Variants in FGD6 observed in about 807,000 individuals in gnomAD.
The protein encoded by FGD6 is FYVE, RhoGEF and PH domain containing 6.
FGD6 carries 90 observed loss-of-function variants against 149.4 expected under a neutral mutation model. The observed-to-expected ratio is 0.60, with a 90% CI of 0.51 to 0.72. FGD6 has a LOEUF of 0.72. Among genes scored for constraint, FGD6 ranks in the 30% least tolerant of loss-of-function variants. FGD6 has a pLI of 0.00. For synonymous variants in FGD6, 527 were observed against 584.0 expected, an observed-to-expected ratio of 0.90 and a Z score of 1.41; for missense variants, 1,437 against 1,684.8, an observed-to-expected ratio of 0.85 and a Z score of 2.57.
intron 5 of FGD6, among the ~76,000 whole-genome samples, chr12:95,141,762 TATG>T (rs544755215): frequency 1.8e-3 from 272 of 152,314 alleles, no homozygotes; most frequent in Non-Finnish European, 2.7e-3. Context: ...AAACATACTA[TATG>T]ATATTTATCT....
At chr12:95,166,347 GTTTAT>G (rs1267806281) in intron 3 of FGD6, among the ~76,000 whole-genome samples, 4 of 152,140 alleles carry the variant, frequency 2.6e-5, no homozygotes, top group Non-Finnish European at 5.9e-5. Context: ...CTTCAGCAAG[GTTTAT>G]TTTATAACAG....
intron 2 of FGD6, among the ~76,000 whole-genome samples, chr12:95,183,045 G>C (rs1881329266): frequency 6.6e-6 from 1 of 152,254 alleles, no homozygotes; most frequent in African/African-American, 2.4e-5. Context: ...GCTCTTGATT[G>C]TGAGTCAGCA....
chr12:95,204,710 G>GCA (rs60459798), intron 2 of FGD6, among the ~76,000 whole-genome samples: 129 of 151,118 alleles, frequency 8.5e-4, no homozygotes, highest in Middle Eastern at 3.5e-3. Context: ...GCATGCACGC[G>GCA]CACACACACA....
chr12:95,202,265 T>C (rs1416935068), intron 2 of FGD6, among the ~76,000 whole-genome samples: 1 of 151,880 alleles, frequency 6.6e-6, no homozygotes, highest in Non-Finnish European at 1.5e-5. Context: ...GCAGTGCCTG[T>C]AATCCCAGCT....
Position 95,116,760 on chromosome 12 carries a change from C to A in FGD6, c.3083-3059G>T, listed in dbSNP as rs370362827. The A allele has an allele frequency of 6.7e-6, 3 of 448,840 alleles. No homozygotes were observed. The East Asian group carries it at 2.1e-4, about 31-fold the overall frequency. 27.8% of individuals were successfully genotyped at this position (448,840 alleles called of 1,614,324 possible). The stretch of plus-strand genomic sequence containing the variant: ...CTCTCCAACTTATCCATCCATCCAT[C>A]CATCCATCAACCCATCCATCCATCC... On this transcript the variant is annotated intron_variant, in intron 8 of 20. Transcript: ENST00000343958.
In FGD6 at chr12:95,168,884, C is replaced by A. The variant is rs200369626; in HGVS notation, c.2586+3716G>T. On this transcript the variant is annotated intron_variant, in intron 3 of 20. Coordinates refer to ENST00000343958, the MANE Select transcript of FGD6 (RefSeq NM_018351.4). ...CACAGAGCTAGTAAGTGGTGGGAAC[C>A]CAGGCAATCTGACTCCAAAGACCGT... Among the ~76,000 whole-genome samples, 15 of 152,158 alleles carry A rather than the reference C, an allele frequency of 9.9e-5. No homozygotes were observed. In the East Asian group the frequency reaches 2.7e-3, roughly 27 times the overall value.
intron 3 of FGD6, among the ~76,000 whole-genome samples, chr12:95,158,606 C>G (rs76112485): frequency 6.6e-6 from 1 of 152,024 alleles, no homozygotes; most frequent in African/African-American, 2.4e-5. Flanking sequence ...CACACACACA[C>G]GGATAACTGT....
intron 18 of FGD6, among the ~76,000 whole-genome samples, chr12:95,086,921 C>T (rs920358015): frequency 1.4e-5 from 2 of 146,622 alleles, no homozygotes; most frequent in Non-Finnish European, 3.0e-5. Flanking sequence ...AATCTCAGCT[C>T]GCTGCAACCT....
At position 95,166,540 on chromosome 12, in the gene FGD6, C is replaced by A. The variant is rs146002377; in HGVS notation, c.2586+6060G>T. On this transcript the variant is annotated intron_variant, in intron 3 of 20. Coordinates refer to ENST00000343958, the MANE Select transcript of FGD6 (RefSeq NM_018351.4). The stretch of plus-strand genomic sequence containing the variant: ...CCTGGGCAACATGGCAAGACCATGT[C>A]TTTAAAAAAAAAAATTAGCCGGGCA... Among the ~76,000 whole-genome samples, 353 of 151,604 alleles carry A rather than the reference C, an allele frequency of 2.3e-3. 2 individuals are homozygous for A. The highest frequency in any genetic ancestry group is 5.3e-3 in the Admixed American group (81 of 15,224).
At chr12:95,148,340 T>C (rs570555076) in intron 5 of FGD6, among the ~76,000 whole-genome samples, 1 of 150,818 alleles carries the variant, frequency 6.6e-6, no homozygotes, top group East Asian at 1.9e-4. Flanking sequence ...TAGGGTAGCC[T>C]TGCCTCTGGC....
intron 6 of FGD6, 105 bp downstream of exon 6, chr12:95,141,283 A>T: frequency 8.2e-7 from 1 of 1,213,356 alleles, no homozygotes; most frequent in Non-Finnish European, 1.2e-6. Context: ...CAATATATTC[A>T]AACAACTCAA....
chr12:95,193,411 G>GCAA (rs1881646161), intron 2 of FGD6, among the ~76,000 whole-genome samples: 1 of 151,358 alleles, frequency 6.6e-6, no homozygotes, highest in Non-Finnish European at 1.5e-5. Flanking sequence ...AGGCTGGAGT[G>GCAA]CAACAGCATG....
At chr12:95,196,644 CTT>C (rs200984769) in intron 2 of FGD6, among the ~76,000 whole-genome samples, 4 of 145,714 alleles carry the variant, frequency 2.7e-5, no homozygotes, top group Non-Finnish European at 4.5e-5. Flanking sequence ...CAATTTTTTT[CTT>C]TTTTTTTTTT....
chr12:95,108,611 A>C (rs978699889), intron 9 of FGD6, 50 bp from the exon 10 acceptor site: 9 of 1,602,558 alleles, frequency 5.6e-6, no homozygotes, highest in Non-Finnish European at 6.8e-6. Context: ...AATGGAAACA[A>C]ATAGTTTGCA....
chr12:95,112,310 C>T (rs1395292111), intron 9 of FGD6, among the ~76,000 whole-genome samples: 1 of 150,952 alleles, frequency 6.6e-6, no homozygotes, highest in Non-Finnish European at 1.5e-5. Context: ...GCAGTTAGAC[C>T]CAGGCGTTGC....
At chr12:95,168,125 T>G (rs928135027) in intron 3 of FGD6, among the ~76,000 whole-genome samples, 4 of 152,176 alleles carry the variant, frequency 2.6e-5, no homozygotes, top group African/African-American at 9.6e-5. Context: ...ATAAACTGAC[T>G]TTAAAAAATT....
chr12:95,150,077 G>C (rs1288341793), intron 5 of FGD6, among the ~76,000 whole-genome samples: 3 of 149,020 alleles, frequency 2.0e-5, no homozygotes, highest in Admixed American at 1.4e-4. Flanking sequence ...GCCCAGGCTG[G>C]AGTGCAATGG....
At chr12:95,140,030 A>C (rs1322324094) in intron 6 of FGD6, among the ~76,000 whole-genome samples, 2 of 152,216 alleles carry the variant, frequency 1.3e-5, no homozygotes, top group Non-Finnish European at 2.9e-5. Flanking sequence ...TTAATTGCTT[A>C]TCTGCCATAT....
In FGD6 at chr12:95,209,132, T is replaced by G; in HGVS notation, c.2152A>C (p.Arg718=). Residue 718 remains arginine (R), a synonymous_variant, in exon 2 of 21, where the codon AGA becomes CGA. Transcript: ENST00000343958. Reference sequence around the variant, plus strand: ...ATTTGGTCATCCAAAGACTCAGCTCTCAGACCATTAGCTGCACTGGTCTGG... The same window carrying G: ...ATTTGGTCATCCAAAGACTCAGCTCGCAGACCATTAGCTGCACTGGTCTGG... The part of the protein sequence containing the change: ...RGQTSAANGL[R]AESLDDQMLS... 6.2e-7 allele frequency: 1 copy of G among 1,614,232 alleles called. No homozygotes were observed. Among genetic ancestry groups the G allele is most frequent in the African/African-American group, 1.3e-5 (1 of 75,064 alleles).
Sources: gnomAD v4.1 joint callset for allele counts (sites outside exome capture counted in the v4.1 genomes callset) on GRCh38, gnomAD v4.1.1 for gene constraint, MANE v1.5 for transcripts, NCBI Gene and HGNC (gene_info 2026-07-23, HGNC 2026-07-21) for gene names.